Variants in CPQ observed in about 807,000 individuals in gnomAD.
CPQ encodes Ser-Met dipeptidase.
Under a neutral mutation model 45.7 loss-of-function variants are expected in CPQ, and 37 were observed. The observed-to-expected ratio is 0.81, with a 90% CI of 0.62 to 1.07. CPQ has a LOEUF of 1.07. Ranked by LOEUF, CPQ falls within the 50% of genes least tolerant of loss-of-function variation. The pLI is 0.00. For missense variants in CPQ, 537 were observed against 572.9 expected (o/e 0.94, Z 0.64); for synonymous variants, 186 against 205.8 (o/e 0.90, Z 0.82).
intron 5 of CPQ, among the ~76,000 whole-genome samples, chr8:97,003,553 C>G (rs1257083900): frequency 6.6e-6 from 1 of 152,280 alleles, no homozygotes; most frequent in African/African-American, 2.4e-5. Flanking sequence ...GGACCCATCA[C>G]TAGATTTGCA....
intron 5 of CPQ, among the ~76,000 whole-genome samples, chr8:96,980,467 T>C (rs1813874141): frequency 6.6e-6 from 1 of 152,196 alleles, no homozygotes; most frequent in Non-Finnish European, 1.5e-5. Context: ...CAGTTTTCTC[T>C]TTTTACAATG....
intron 4 of CPQ, among the ~76,000 whole-genome samples, chr8:96,890,198 G>A (rs1257327192): frequency 2.6e-5 from 4 of 152,192 alleles, no homozygotes; most frequent in South Asian, 2.1e-4. Flanking sequence ...TAACTCTTAC[G>A]TCACATGACA....
intron 1 of CPQ, among the ~76,000 whole-genome samples, chr8:96,745,297 G>C (rs1393772830): frequency 6.6e-6 from 1 of 151,842 alleles, no homozygotes; most frequent in African/African-American, 2.4e-5. Flanking sequence ...GACAGAGCAA[G>C]ACTCCATCTC....
rs191795941 is a variant in CPQ, at chr8:96,964,149, A to C, written c.850-1786A>C. Among the ~76,000 whole-genome samples the C allele has an allele frequency of 5.7e-3, 831 of 144,736 alleles. 4 individuals are homozygous for C. The highest frequency in any genetic ancestry group is 0.018 in the Middle Eastern group (5 of 280). The allele number at this position is 144,736 out of a possible 152,430, so 95.0% of individuals were successfully genotyped here. A position where few individuals can be genotyped will look rare whatever the true frequency, so the allele number is the denominator to read the frequency against. ...ATGAATACTCTGTTATGAACATTCC[A>C]GTACATCTTTTTTGGTTAAAGTATA... is the stretch of plus-strand genomic sequence containing the variant. On this transcript the variant is annotated intron_variant, in intron 4 of 7. Transcript: ENST00000220763.
chr8:96,822,242 G>T (rs564360335), intron 2 of CPQ, among the ~76,000 whole-genome samples: 1 of 151,776 alleles, frequency 6.6e-6, no homozygotes. Flanking sequence ...TCTTTTTTTG[G>T]TAAGGCCGAA....
chr8:97,124,250 A>G (rs1811807425), intron 7 of CPQ, among the ~76,000 whole-genome samples: 1 of 149,544 alleles, frequency 6.7e-6, no homozygotes, highest in Non-Finnish European at 1.5e-5. Flanking sequence ...AAAAAAAAAA[A>G]AGTAAATTCA....
intron 5 of CPQ, among the ~76,000 whole-genome samples, chr8:97,004,074 T>C (rs1175472833): frequency 6.6e-6 from 1 of 152,148 alleles, no homozygotes; most frequent in Non-Finnish European, 1.5e-5. Flanking sequence ...GTCCATCCTT[T>C]GAAATGTTAG....
At chr8:96,920,434 TTATAA>T (rs1461630744) in intron 4 of CPQ, among the ~76,000 whole-genome samples, 1 of 152,176 alleles carries the variant, frequency 6.6e-6, no homozygotes, top group East Asian at 1.9e-4. Context: ...TTCTTAACAA[TTATAA>T]TATATTCTTT....
chr8:97,042,441 T>A (rs1231704698), intron 6 of CPQ, among the ~76,000 whole-genome samples: 2 of 152,212 alleles, frequency 1.3e-5, no homozygotes, highest in African/African-American at 2.4e-5. Context: ...AACCAGCTCC[T>A]GGATTCATTA....
rs1461147913 is a variant in CPQ at position 97,122,898 on chromosome 8, A to AAAATAAAATAAAATAAAATAAAATAAAAT, written c.1256-20089_1256-20061dup. Reference sequence around the variant, plus strand: ...AAACTCTGTCTCAATAAAATAAAATAAAATAAAATAAAATAAAATAAAATA... The same window carrying AAAATAAAATAAAATAAAATAAAATAAAAT: ...AAACTCTGTCTCAATAAAATAAAATAAAATAAAATAAAATAAAATAAAATAAAATAAATAAAATAAAATAAAATAAAATA... On this transcript the variant is annotated intron_variant, in intron 7 of 7. Transcript: ENST00000220763. Among the ~76,000 whole-genome samples, 24 of 80,886 alleles carry AAAATAAAATAAAATAAAATAAAATAAAAT rather than the reference A, an allele frequency of 3.0e-4. No individual in the cohort carries two copies. The East Asian group carries it at 6.4e-3, about 22-fold the overall frequency. The allele number at this position is 80,886 out of a possible 152,430, so 53.1% of individuals were successfully genotyped here. A position where few individuals can be genotyped will look rare whatever the true frequency, so the allele number is the denominator to read the frequency against.
At chr8:97,082,818 A>G (rs984352659) in intron 7 of CPQ, among the ~76,000 whole-genome samples, 4 of 152,182 alleles carry the variant, frequency 2.6e-5, no homozygotes, top group Non-Finnish European at 5.9e-5. Context: ...CCTTACCCAT[A>G]CAAGTGAGAA....
intron 4 of CPQ, among the ~76,000 whole-genome samples, chr8:96,960,942 G>C (rs890722829): frequency 6.6e-6 from 1 of 152,020 alleles, no homozygotes; most frequent in Non-Finnish European, 1.5e-5. Context: ...ATTCCACAAT[G>C]TATCGATTCT....
chr8:96,885,919 G>A lies in CPQ; in HGVS notation c.849+5914G>A, dbSNP rs187373794. ...AGGCAGAAGAATGGCATGAACCTGG[G>A]AGGCGGAGATCGCACCACTGCACTC... On this transcript the variant is annotated intron_variant, in intron 4 of 7. Coordinates refer to ENST00000220763, the MANE Select transcript of CPQ (RefSeq NM_016134.4). Among the ~76,000 whole-genome samples the A allele has an allele frequency of 2.1e-3, 314 of 152,140 alleles. 1 individual carries two copies. Among genetic ancestry groups the A allele is most frequent in the Middle Eastern group, 6.8e-3 (2 of 294 alleles).
chr8:97,082,250 A>G (rs1563575337), intron 7 of CPQ, among the ~76,000 whole-genome samples: 1 of 152,122 alleles, frequency 6.6e-6, no homozygotes, highest in Non-Finnish European at 1.5e-5. Context: ...TCTCAGCCCA[A>G]CTTCCCCCCT....
In CPQ at chr8:96,835,023, A is replaced by G. The variant is rs745806413; in HGVS notation, c.484A>G (p.Arg162Gly). ...GACCTCTTTCGATGAACTGCAGAGA[A>G]GGGCCTCAGAAGCAAGAGGGAAGAT... The part of the protein sequence containing the change: ...VVTSFDELQR[R>G]ASEARGKIVV... The change falls in exon 3 of 8, where the codon AGG (arginine) becomes GGG (glycine). Residue 162 changes from arginine to glycine, a missense_variant. Transcript: ENST00000220763. 6.2e-7 allele frequency: 1 copy of G among 1,613,848 alleles called. No individual in the cohort carries two copies. Among genetic ancestry groups the G allele is most frequent in the South Asian group, 1.1e-5 (1 of 91,046 alleles).
chr8:96,957,710 A>G (rs1813378151), intron 4 of CPQ, among the ~76,000 whole-genome samples: 1 of 152,098 alleles, frequency 6.6e-6, no homozygotes, highest in African/African-American at 2.4e-5. Context: ...GAGGCATGAG[A>G]ATCACTTGAA....
chr8:97,026,614 C>A (rs1164629646), intron 5 of CPQ, among the ~76,000 whole-genome samples: 1 of 152,228 alleles, frequency 6.6e-6, no homozygotes, highest in Admixed American at 6.5e-5. Flanking sequence ...TTCCTAACTT[C>A]TTCCTAAGGC....
intron 1 of CPQ, among the ~76,000 whole-genome samples, chr8:96,661,260 C>T (rs1312934159): frequency 1.3e-5 from 2 of 152,028 alleles, no homozygotes; most frequent in African/African-American, 2.4e-5. Context: ...AGAAATATCC[C>T]ATACACTACC....
chr8:96,858,579 T>C (rs768017261), intron 3 of CPQ, among the ~76,000 whole-genome samples: 38 of 152,304 alleles, frequency 2.5e-4, no homozygotes, highest in Admixed American at 3.9e-4. Context: ...TCCCATTTGC[T>C]TCCTGCCCAC....
Sources: gnomAD v4.1 joint callset for allele counts (sites outside exome capture counted in the v4.1 genomes callset) on GRCh38, gnomAD v4.1.1 for gene constraint, MANE v1.5 for transcripts, NCBI Gene and HGNC (gene_info 2026-07-23, HGNC 2026-07-21) for gene names.